The following FHIT variants were observed in gnomAD, a reference collection of about 807,000 sequenced individuals.
The protein encoded by FHIT is fragile histidine triad diadenosine triphosphatase.
FHIT carries 19 observed loss-of-function variants against 17.9 expected under a neutral mutation model. The ratio of observed to expected loss-of-function variants is 1.06; its 90% CI spans 0.74 to 1.56. FHIT has a LOEUF of 1.56. Ranked by LOEUF, FHIT falls within the 40% of genes most tolerant of loss-of-function variation. The pLI is 0.00. For missense variants in FHIT, 248 were observed against 189.2 expected (o/e 1.31, Z -1.82); for synonymous variants, 81 against 69.7 (o/e 1.16, Z -0.81).
intron 5 of FHIT, among the ~76,000 whole-genome samples, chr3:60,083,310 G>C (rs893914811): frequency 6.6e-6 from 1 of 152,010 alleles, no homozygotes; most frequent in African/African-American, 2.4e-5. Flanking sequence ...TGTTCCATTG[G>C]TCTTTGTCTG....
intron 5 of FHIT, among the ~76,000 whole-genome samples, chr3:60,051,146 G>A (rs1481572325): frequency 6.6e-6 from 1 of 152,086 alleles, no homozygotes; most frequent in Admixed American, 6.6e-5. Flanking sequence ...GGCCTTTGAG[G>A]TAGGGGAAGG....
At chr3:60,891,498 T>G (rs1705515096) in intron 3 of FHIT, among the ~76,000 whole-genome samples, 1 of 152,228 alleles carries the variant, frequency 6.6e-6, no homozygotes, top group Non-Finnish European at 1.5e-5. Context: ...TATATATAAC[T>G]GACAGCCTTT....
intron 8 of FHIT, among the ~76,000 whole-genome samples, chr3:59,877,652 A>G (rs192199337): frequency 6.6e-6 from 1 of 152,224 alleles, no homozygotes; most frequent in Non-Finnish European, 1.5e-5. Flanking sequence ...ATACCAAAAG[A>G]AAAAGTAAAA....
chr3:61,101,425 G>A (rs986574875), intron 2 of FHIT, among the ~76,000 whole-genome samples: 1 of 152,150 alleles, frequency 6.6e-6, no homozygotes, highest in Non-Finnish European at 1.5e-5. Context: ...CTATCTCTCT[G>A]TTTTGGTGCC....
intron 7 of FHIT, among the ~76,000 whole-genome samples, chr3:59,993,467 T>G: frequency 6.6e-6 from 1 of 152,040 alleles, no homozygotes; most frequent in East Asian, 1.9e-4. Context: ...AGGTGTTCAT[T>G]CAGCCTGAGG....
rs183513750 is a variant in FHIT at position 60,992,394 on chromosome 3, T to C, written c.-111+49653A>G. Among the ~76,000 whole-genome samples the C allele has an allele frequency of 4.2e-3, 636 of 152,338 alleles. 3 individuals carry two copies. The highest frequency in any genetic ancestry group is 0.014 in the African/African-American group (585 of 41,556). ...TAAACTTTTACTGATGTATGTGTTA[T>C]ACCTTAATTTAAAAAAATATGTATT... is the stretch of plus-strand genomic sequence containing the variant. On this transcript the variant is annotated intron_variant, in intron 3 of 9. Transcript: ENST00000492590.
intron 5 of FHIT, among the ~76,000 whole-genome samples, chr3:60,274,677 A>T (rs1017009308): frequency 1.3e-5 from 2 of 152,210 alleles, no homozygotes; most frequent in Non-Finnish European, 2.9e-5. Context: ...AGAAAAAACA[A>T]ATCTATTAAA....
intron 5 of FHIT, among the ~76,000 whole-genome samples, chr3:60,467,988 T>G (rs571513775): frequency 6.6e-6 from 1 of 152,268 alleles, no homozygotes; most frequent in African/African-American, 2.4e-5. Flanking sequence ...GTTGGGTGCA[T>G]ATATATTTAC....
At chr3:61,175,772 G>C (rs149187859) in intron 2 of FHIT, among the ~76,000 whole-genome samples, 7 of 152,238 alleles carry the variant, frequency 4.6e-5, no homozygotes, top group South Asian at 2.1e-4. Flanking sequence ...TGGAATTAGA[G>C]AGCAGCCCTC....
intron 5 of FHIT, among the ~76,000 whole-genome samples, chr3:60,368,556 G>A (rs1161119735): frequency 6.6e-6 from 1 of 151,860 alleles, no homozygotes; most frequent in South Asian, 2.1e-4. Flanking sequence ...ACACACATAT[G>A]TTCTGCATAC....
chr3:59,774,180 C>A lies in FHIT; in HGVS notation c.349-21859G>T, dbSNP rs145356136. The stretch of plus-strand genomic sequence containing the variant: ...ACGACAGCCACTGGGTCAAATCTGG[C>A]CAGGTGCCTGATTTGGTAAAGGGGC... On this transcript the variant is annotated intron_variant, in intron 8 of 9. Transcript: ENST00000492590. 4.4e-3 allele frequency among the ~76,000 whole-genome samples: 671 copies of A among 152,278 alleles called. 6 individuals carry two copies. The highest frequency in any genetic ancestry group is 0.015 in the African/African-American group (618 of 41,560).
At chr3:60,385,605 G>A (rs1053623468) in intron 5 of FHIT, among the ~76,000 whole-genome samples, 1 of 152,068 alleles carries the variant, frequency 6.6e-6, no homozygotes, top group African/African-American at 2.4e-5. Flanking sequence ...ACTGAAACAG[G>A]ATCTCACTTT....
At chr3:61,219,554 AATATT>A (rs1254804119) in intron 1 of FHIT, among the ~76,000 whole-genome samples, 1 of 152,168 alleles carries the variant, frequency 6.6e-6, no homozygotes, top group African/African-American at 2.4e-5. Flanking sequence ...CTACAGTTAC[AATATT>A]ATACCACTTC....
intron 5 of FHIT, among the ~76,000 whole-genome samples, chr3:60,068,516 A>G (rs979256911): frequency 6.6e-6 from 1 of 152,326 alleles, no homozygotes; most frequent in African/African-American, 2.4e-5. Flanking sequence ...AGTGTGTTCC[A>G]TTACTAGGAC....
At chr3:60,764,728 T>C (rs1247105152) in intron 4 of FHIT, among the ~76,000 whole-genome samples, 1 of 151,388 alleles carries the variant, frequency 6.6e-6, no homozygotes, top group East Asian at 1.9e-4. Context: ...AGATTATAGA[T>C]ATATTAATAT....
At position 59,779,116 on chromosome 3, in the gene FHIT, A is replaced by G. The variant is rs1476425768; in HGVS notation, c.349-26795T>C. On this transcript the variant is annotated intron_variant, in intron 8 of 9. Coordinates refer to ENST00000492590, the MANE Select transcript of FHIT (RefSeq NM_002012.4). Reference sequence around the variant, plus strand: ...GCATTACCCTGACTTCAGCCAGGGAAGAAAATCACATCCAAGTTTGCAGAC... The same window carrying G: ...GCATTACCCTGACTTCAGCCAGGGAGGAAAATCACATCCAAGTTTGCAGAC... Among the ~76,000 whole-genome samples the G allele has an allele frequency of 1.3e-5, 2 of 152,212 alleles. 1 individual carries two copies. The highest frequency in any genetic ancestry group is 4.8e-5 in the African/African-American group (2 of 41,462).
At chr3:60,607,651 A>T (rs2038650254) in intron 4 of FHIT, among the ~76,000 whole-genome samples, 1 of 152,018 alleles carries the variant, frequency 6.6e-6, no homozygotes, top group Non-Finnish European at 1.5e-5. Context: ...AACATTTGCA[A>T]ACAATTCCAA....
At chr3:60,345,932 G>A (rs979862800) in intron 5 of FHIT, among the ~76,000 whole-genome samples, 1 of 152,160 alleles carries the variant, frequency 6.6e-6, no homozygotes, top group East Asian at 1.9e-4. Context: ...AGATGCATTG[G>A]TAATTTATTG....
At chr3:61,156,497 C>T (rs1226304413) in intron 2 of FHIT, among the ~76,000 whole-genome samples, 1 of 151,978 alleles carries the variant, frequency 6.6e-6, no homozygotes, top group Non-Finnish European at 1.5e-5. Context: ...ATCTCTCCAC[C>T]AAGAACCCAA....
Sources: gnomAD v4.1 joint callset for allele counts (sites outside exome capture counted in the v4.1 genomes callset) on GRCh38, gnomAD v4.1.1 for gene constraint, MANE v1.5 for transcripts, NCBI Gene and HGNC (gene_info 2026-07-23, HGNC 2026-07-21) for gene names.